LTBP2: variants seen among roughly 807,000 people sequenced by gnomAD.
LTBP2 encodes the protein latent-transforming growth factor beta-binding protein 2.
In LTBP2, 103 loss-of-function variants were observed where a neutral mutation model predicts 210.6. That is an observed-to-expected ratio of 0.49 (90% CI 0.42 to 0.58). LTBP2 has a LOEUF of 0.58. LTBP2 is among the 20% of genes least tolerant of loss of function. The probability of loss-of-function intolerance (pLI) is 0.00; values close to 1 mark genes in which losing one functional copy is unlikely to be tolerated. For synonymous variants in LTBP2, 1,007 were observed against 1,015.0 expected, an observed-to-expected ratio of 0.99 and a Z score of 0.15; for missense variants, 2,313 against 2,494.5, an observed-to-expected ratio of 0.93 and a Z score of 1.55.
At chr14:74,605,102 G>A (rs1422448695) in intron 1 of LTBP2, among the ~76,000 whole-genome samples, 1 of 152,188 alleles carries the variant, frequency 6.6e-6, no homozygotes. Context: ...AAGAGGGGAG[G>A]GAGAAGTGCA....
intron 2 of LTBP2, among the ~76,000 whole-genome samples, chr14:74,601,860 C>T (rs1180656271): frequency 1.3e-5 from 2 of 152,094 alleles, no homozygotes; most frequent in Non-Finnish European, 2.9e-5. Context: ...GCTGTGAAGC[C>T]CTCCTACCGA....
Position 74,508,865 on chromosome 14 carries a change from T to C in LTBP2, c.3491A>G (p.Gln1164Arg). The change falls in exon 23 of 36, where the codon CAG (glutamine) becomes CGG (arginine). Residue 1164 changes from glutamine to arginine, a missense_variant. By Grantham distance (43) the Gln-to-Arg change is conservative (BLOSUM62 1). This residue lies in a region of LTBP2 where 1,867 missense variants were observed against 1,976.9 expected (regional missense o/e 0.94). Coordinates refer to ENST00000261978, the MANE Select transcript of LTBP2 (RefSeq NM_000428.3). The stretch of plus-strand genomic sequence containing the variant: ...GGTGCCATTGGCCAGCTGGAAGCCC[T>C]GGGGACAGAGGCACTGGTAGGAGCC... ...TVGSYQCLCP[Q>R]GFQLANGTVC... The C allele has an allele frequency of 6.2e-7, 1 of 1,613,694 alleles. No homozygotes were observed. The highest frequency in any genetic ancestry group is 8.5e-7 in the Non-Finnish European group (1 of 1,179,942).
chr14:74,518,118 C>T (rs1355996808), intron 17 of LTBP2, among the ~76,000 whole-genome samples: 2 of 152,190 alleles, frequency 1.3e-5, no homozygotes, highest in African/African-American at 4.8e-5. Flanking sequence ...GGTCCCCATC[C>T]CCTGTCCCCA....
chr14:74,532,319 G>C, intron 10 of LTBP2, 107 bp downstream of exon 10: 1 of 1,471,438 alleles, frequency 6.8e-7, no homozygotes, highest in Non-Finnish European at 9.4e-7. Context: ...TGAGCATGGC[G>C]TGATCAGGTC....
chr14:74,520,867 C>T (rs1339810198), intron 17 of LTBP2, among the ~76,000 whole-genome samples: 1 of 152,146 alleles, frequency 6.6e-6, no homozygotes, highest in Non-Finnish European at 1.5e-5. Flanking sequence ...TCTCGAGTAC[C>T]CGAATAATCT....
chr14:74,526,541 G>T (rs2087275922), intron 13 of LTBP2, among the ~76,000 whole-genome samples: 1 of 152,200 alleles, frequency 6.6e-6, no homozygotes, highest in Non-Finnish European at 1.5e-5. Flanking sequence ...CCTCAACATA[G>T]CCAGTGGACA....
In LTBP2 at chr14:74,555,554, T is replaced by G. The variant is rs372209109; in HGVS notation, c.970A>C (p.Arg324=). The G allele has an allele frequency of 8.1e-6, 13 of 1,613,086 alleles. No individual in the cohort carries two copies. Among genetic ancestry groups the G allele is most frequent in the Non-Finnish European group, 1.1e-5 (13 of 1,179,480 alleles). ...GGTACCGCCTGTTGGGTGCCATCTC[T>G]CTGCTCAAGGCCTGGTCCCGGGGGC... The part of the protein sequence containing the change: ...ALPPGPGLEQ[R]DGTQQAVPLE... Residue 324 remains arginine (R), a synonymous_variant, in exon 4 of 36, where the codon AGA becomes CGA. Coordinates refer to ENST00000261978, the MANE Select transcript of LTBP2 (RefSeq NM_000428.3).
In LTBP2 at chr14:74,559,174, C is replaced by T. The variant is rs185194313; in HGVS notation, c.831-3481G>A. Reference sequence around the variant, plus strand: ...AGCAAATAAGAAAACATGACTGGGCCACTTAAAGTTCTTCTTTAAGGGAAA... The same window carrying T: ...AGCAAATAAGAAAACATGACTGGGCTACTTAAAGTTCTTCTTTAAGGGAAA... On this transcript the variant is annotated intron_variant, in intron 3 of 35. Transcript: ENST00000261978. Among the ~76,000 whole-genome samples, 5 of 152,230 alleles carry T rather than the reference C, an allele frequency of 3.3e-5. No individual in the cohort carries two copies. In the East Asian group the frequency reaches 9.6e-4, roughly 29 times the overall value.
intron 3 of LTBP2, chr14:74,559,896 T>G (rs1225447953): frequency 6.6e-6 from 1 of 152,138 alleles, no homozygotes; most frequent in Non-Finnish European, 1.5e-5. Flanking sequence ...AATGAGAAGG[T>G]GACCACAGCC....
chr14:74,501,943 T>G (rs1376040305), intron 34 of LTBP2: 2 of 376,626 alleles, frequency 5.3e-6, no homozygotes, highest in Non-Finnish European at 1.0e-5. Context: ...GGTGAGGTGT[T>G]TTGTTTAAAC....
chr14:74,509,502 C>A, intron 21 of LTBP2, 139 bp from the exon 22 acceptor site: 1 of 1,316,626 alleles, frequency 7.6e-7, no homozygotes. Context: ...CCAGGACAGC[C>A]CTGCCCTCAG....
At position 74,508,709 on chromosome 14, in the gene LTBP2, C is replaced by A; in HGVS notation, c.3547G>T (p.Glu1183Ter). Residue 1183 changes from glutamate (E) to a stop codon, truncating the protein, a stop_gained, in exon 24 of 36, where the codon GAG becomes TAG. Transcript: ENST00000261978. LOFTEE classifies it high-confidence loss of function. The stretch of plus-strand genomic sequence containing the variant: ...TCGCCGTGGGGTGCGCAGTGCTCCT[C>A]CCCCATGCACTCATTCACATCTGCA... Reference protein sequence around the residue: ...VCEDVNECMGEEHCAPHGECL... With the variant: ...VCEDVNECMG 6.2e-7 allele frequency: 1 copy of A among 1,613,788 alleles called. No individual in the cohort carries two copies.
intron 2 of LTBP2, 78 bp downstream of exon 2, chr14:74,603,557 C>G (rs1313485525): frequency 2.0e-6 from 3 of 1,479,292 alleles, no homozygotes; most frequent in African/African-American, 2.8e-5. Flanking sequence ...CTAAGCTTGA[C>G]CTGCCCTGGG....
Position 74,551,240 on chromosome 14 carries a change from C to G in LTBP2, c.1510G>C (p.Glu504Gln), listed in dbSNP as rs1332852968. 1.2e-6 allele frequency: 2 copies of G among 1,612,834 alleles called. No individual in the cohort carries two copies. Among genetic ancestry groups the G allele is most frequent in the Non-Finnish European group, 1.7e-6 (2 of 1,179,770 alleles). Residue 504 changes from glutamate (E) to glutamine (Q), a missense_variant, in exon 7 of 36, where the codon GAG becomes CAG. This residue lies in a region of LTBP2 where 1,867 missense variants were observed against 1,976.9 expected (regional missense o/e 0.94). Coordinates refer to ENST00000261978, the MANE Select transcript of LTBP2 (RefSeq NM_000428.3). ...GGGGGTCTGGTCTCCACGCTGTTCT[C>G]CACTAGGGCCTCCTCCACCCCGCCC... is the stretch of plus-strand genomic sequence containing the variant. The part of the protein sequence containing the change: ...VRGGVEEALV[E>Q]NSVETRPPPW...
At chr14:74,550,002 C>G in intron 7 of LTBP2, 37 bp from the exon 8 acceptor site, 1 of 1,329,096 alleles carries the variant, frequency 7.5e-7, no homozygotes. Flanking sequence ...TGACCACCCC[C>G]CTTCCCTCCC....
chr14:74,609,105 G>C (rs1006617995), intron 1 of LTBP2, among the ~76,000 whole-genome samples: 4 of 152,204 alleles, frequency 2.6e-5, no homozygotes, highest in African/African-American at 9.7e-5. Flanking sequence ...ACAAGGCAAT[G>C]AATGGCCAAC....
At chr14:74,545,273 T>C (rs767935134) in intron 8 of LTBP2, among the ~76,000 whole-genome samples, 9 of 152,156 alleles carry the variant, frequency 5.9e-5, no homozygotes, top group Non-Finnish European at 1.0e-4. Flanking sequence ...TGGAGCTCCA[T>C]TTTCCTCATC....
chr14:74,546,830 C>G (rs561381069), intron 8 of LTBP2, among the ~76,000 whole-genome samples: 1 of 152,364 alleles, frequency 6.6e-6, no homozygotes, highest in African/African-American at 2.4e-5. Context: ...AAGGCTGGCA[C>G]ACAGGTGGAA....
Position 74,499,879 on chromosome 14 carries a change from G to A in LTBP2, c.*1005C>T, listed in dbSNP as rs541743695. On this transcript the variant is annotated 3_prime_UTR_variant, in exon 36 of 36. Coordinates refer to ENST00000261978, the MANE Select transcript of LTBP2 (RefSeq NM_000428.3). ...TCGTTTTCTGAAGGGAAAGGGCAGG[G>A]GTTTCTGAGTGGAGGGGAAAAACAA... 2.7e-4 allele frequency: 63 copies of A among 231,142 alleles called. 1 individual carries two copies. The highest frequency in any genetic ancestry group is 2.0e-3 in the South Asian group (11 of 5,504). The allele number at this position is 231,142 out of a possible 1,614,324, so 14.3% of individuals were successfully genotyped here. A position where few individuals can be genotyped will look rare whatever the true frequency, so the allele number is the denominator to read the frequency against.
Sources: allele counts gnomAD v4.1 joint callset (sites outside exome capture counted in the v4.1 genomes callset), GRCh38; gene constraint gnomAD v4.1.1; regional missense constraint gnomAD v4.1.1; transcripts MANE v1.5; gene names NCBI Gene and HGNC (gene_info 2026-07-23, HGNC 2026-07-21).